Variants in DPH6 observed in about 807,000 individuals in gnomAD.
The protein encoded by DPH6 is diphthine--ammonia ligase.
Under a neutral mutation model 38.2 loss-of-function variants are expected in DPH6, and 33 were observed. The observed-to-expected ratio is 0.86, with a 90% CI of 0.65 to 1.15. The LOEUF (loss-of-function observed/expected upper bound fraction) is 1.15. Ranked by LOEUF, DPH6 falls within the 50% of genes most tolerant of loss-of-function variation. The pLI is 0.00. For synonymous variants in DPH6, 108 were observed against 103.0 expected (o/e 1.05, Z -0.30); for missense variants, 325 against 320.0 (o/e 1.02, Z -0.12).
At chr15:35,284,526 A>G (rs529945386) in intron 3 of DPH6, among the ~76,000 whole-genome samples, 1 of 151,480 alleles carries the variant, frequency 6.6e-6, no homozygotes, top group Non-Finnish European at 1.5e-5. Context: ...TGTTTTATTT[A>G]TTTACCTTAT....
chr15:35,515,325 G>A (rs928328782), intron 3 of DPH6, among the ~76,000 whole-genome samples: 3 of 152,012 alleles, frequency 2.0e-5, no homozygotes, highest in East Asian at 1.9e-4. Flanking sequence ...TGGGTATGGC[G>A]GGTCATACCT....
intron 3 of DPH6, among the ~76,000 whole-genome samples, chr15:35,269,728 C>T (rs2051809661): frequency 6.7e-6 from 1 of 149,798 alleles, no homozygotes; most frequent in Non-Finnish European, 1.5e-5. Context: ...GCAGCCACCG[C>T]GCCCGGCCAG....
At chr15:35,206,773 T>C in the DPH6 span, among the ~76,000 whole-genome samples, 17 of 152,204 alleles carry the variant, frequency 1.1e-4, no homozygotes, top group Non-Finnish European at 2.1e-4. Context: ...ACTAAAGGTA[T>C]TAAAATTCAG....
the DPH6 span, among the ~76,000 whole-genome samples, chr15:35,154,226 T>A: frequency 6.6e-6 from 1 of 152,188 alleles, no homozygotes; most frequent in Non-Finnish European, 1.5e-5. Context: ...ATGATGGATA[T>A]GCTAAACCCT....
chr15:35,245,180 G>A (rs1445202731), intron 3 of DPH6, among the ~76,000 whole-genome samples: 1 of 148,730 alleles, frequency 6.7e-6, no homozygotes, highest in Non-Finnish European at 1.5e-5. Flanking sequence ...TCTCTAATAC[G>A]TATGTAGTTT....
At chr15:35,373,672 TACTG>T in intron 7 of DPH6, 64 bp from the exon 8 acceptor site, 1 of 1,339,688 alleles carries the variant, frequency 7.5e-7, no homozygotes, top group Admixed American at 1.9e-5. Flanking sequence ...TCATTCCTCC[TACTG>T]ACTAGAAGAG....
At chr15:35,155,828 T>C in the DPH6 span, among the ~76,000 whole-genome samples, 7 of 152,248 alleles carry the variant, frequency 4.6e-5, no homozygotes, top group Non-Finnish European at 2.9e-5. Context: ...TTCTTATATG[T>C]AGAAATCACA....
chr15:35,441,310 G>T (rs2053784507), intron 5 of DPH6, among the ~76,000 whole-genome samples: 1 of 152,098 alleles, frequency 6.6e-6, no homozygotes, highest in Admixed American at 6.5e-5. Context: ...CCATTACTAG[G>T]TATATACCCA....
At chr15:35,525,950 T>A (rs1204202633) in intron 3 of DPH6, among the ~76,000 whole-genome samples, 1 of 152,230 alleles carries the variant, frequency 6.6e-6, no homozygotes, top group East Asian at 1.9e-4. Context: ...TATCTTAAAG[T>A]AGTGCATTAT....
intron 3 of DPH6, among the ~76,000 whole-genome samples, chr15:35,456,032 G>A (rs942116335): frequency 2.0e-5 from 3 of 152,132 alleles, no homozygotes; most frequent in Admixed American, 6.5e-5. Flanking sequence ...CCTCCAAAAT[G>A]ATGGAGAAAT....
At chr15:35,509,925 G>A (rs1471840541) in intron 3 of DPH6, among the ~76,000 whole-genome samples, 1 of 152,148 alleles carries the variant, frequency 6.6e-6, no homozygotes, top group Non-Finnish European at 1.5e-5. Context: ...CAGCTTTAAA[G>A]ATTCAGGTAG....
rs1269112061 is a variant in DPH6 at position 35,542,493 on chromosome 15, C to T, written c.38G>A (p.Ser13Asn). Residue 13 changes from serine (S) to asparagine (N), a missense_variant, in exon 2 of 9, where the codon AGC becomes AAC. By Grantham distance (46) the Ser-to-Asn change is conservative (BLOSUM62 1). Transcript: ENST00000256538. ...VAALISGGKDSCYNMMQCIAA... is the reference protein window; with the variant it reads ...VAALISGGKDNCYNMMQCIAA... ...AATGCACTGCATCATATTATAGCAG[C>T]TGTCCTTCCCACCACTAAACAATAA... 6.4e-7 allele frequency: 1 copy of T among 1,555,888 alleles called. No homozygotes were observed. The highest frequency in any genetic ancestry group is 8.8e-7 in the Non-Finnish European group (1 of 1,135,808).
chr15:35,257,682 G>A (rs1234647107), intron 3 of DPH6, among the ~76,000 whole-genome samples: 2 of 151,844 alleles, frequency 1.3e-5, no homozygotes, highest in South Asian at 4.1e-4. Flanking sequence ...GTCTTATTCT[G>A]GATTGAAGGC....
At chr15:35,341,873 C>G (rs996481002) in intron 3 of DPH6, among the ~76,000 whole-genome samples, 1 of 152,196 alleles carries the variant, frequency 6.6e-6, no homozygotes, top group African/African-American at 2.4e-5. Context: ...AAAGAAGCAG[C>G]CTGGCTGCTT....
intron 3 of DPH6, among the ~76,000 whole-genome samples, chr15:35,507,645 G>C (rs559700167): frequency 6.6e-6 from 1 of 152,118 alleles, no homozygotes; most frequent in East Asian, 1.9e-4. Context: ...ATTCTGAACT[G>C]CCTAAATTAA....
At chr15:35,206,448 T>G in the DPH6 span, among the ~76,000 whole-genome samples, 1 of 152,198 alleles carries the variant, frequency 6.6e-6, no homozygotes, top group African/African-American at 2.4e-5. Context: ...CTAAGACTGC[T>G]CTTTCCCTCT....
chr15:35,210,807 T>C, the DPH6 span, among the ~76,000 whole-genome samples: 1 of 152,090 alleles, frequency 6.6e-6, no homozygotes, highest in Non-Finnish European at 1.5e-5. Context: ...ACTGTGTTTA[T>C]GGGATAGGGG....
intron 3 of DPH6, among the ~76,000 whole-genome samples, chr15:35,321,239 C>T (rs2052238094): frequency 6.6e-6 from 1 of 152,212 alleles, no homozygotes; most frequent in South Asian, 2.1e-4. Context: ...AACTAAATTC[C>T]TCCCATGGTT....
intron 3 of DPH6, among the ~76,000 whole-genome samples, chr15:35,317,575 A>G (rs540437821): frequency 6.6e-6 from 1 of 150,892 alleles, no homozygotes; most frequent in African/African-American, 2.4e-5. Flanking sequence ...ATATACTAAC[A>G]TGAGTTCTGC....
Sources: gnomAD v4.1 joint callset for allele counts (sites outside exome capture counted in the v4.1 genomes callset) on GRCh38, gnomAD v4.1.1 for gene constraint, MANE v1.5 for transcripts, NCBI Gene and HGNC (gene_info 2026-07-23, HGNC 2026-07-21) for gene names.